PCDHA5: variants seen among roughly 807,000 people sequenced by gnomAD.
PCDHA5 encodes the protein protocadherin alpha-5.
A neutral mutation model predicts 61.6 loss-of-function variants in PCDHA5; 43 were observed. The observed-to-expected ratio is 0.70, with a 90% confidence interval of 0.55 to 0.90. The LOEUF (loss-of-function observed/expected upper bound fraction) is 0.90, where lower values mean the gene tolerates loss of function less well. Ranked by LOEUF, PCDHA5 falls within the 40% of genes least tolerant of loss-of-function variation. The pLI is 0.00. For synonymous variants in PCDHA5, 627 were observed against 543.9 expected (o/e 1.15, Z -2.13); for missense variants, 1,298 against 1,222.7 (o/e 1.06, Z -0.92).
In PCDHA5 at chr5:140,982,326, G is replaced by T. The variant is rs1369721700; in HGVS notation, c.2412-149G>T. 1.6e-5 allele frequency: 22 copies of T among 1,411,958 alleles called. No homozygotes were observed. In the Admixed American group the frequency reaches 3.0e-4, roughly 20 times the overall value. The allele number at this position is 1,411,958 out of a possible 1,614,324, so 87.5% of individuals were successfully genotyped here. On this transcript the variant is annotated intron_variant, in intron 2 of 3. Transcript: ENST00000529859. ...CTTCTGCAGTTTATGCAGGGTGACTGCTCAGCAGTAATTGCTTCAGTTCAA... is the reference window on the plus strand; with the variant it reads ...CTTCTGCAGTTTATGCAGGGTGACTTCTCAGCAGTAATTGCTTCAGTTCAA...
chr5:140,965,708 A>T (rs2095927788), intron 1 of PCDHA5, among the ~76,000 whole-genome samples: 1 of 152,244 alleles, frequency 6.6e-6, no homozygotes, highest in African/African-American at 2.4e-5. Context: ...AGCTTGAGAG[A>T]AGAATCTCTT....
Position 140,845,338 on chromosome 5 carries a change from C to T in PCDHA5, c.2352+21211C>T, listed in dbSNP as rs1446184837. Among the ~76,000 whole-genome samples the T allele has an allele frequency of 1.2e-4, 18 of 149,418 alleles. 2 individuals carry two copies. The highest frequency in any genetic ancestry group is 4.4e-4 in the African/African-American group (18 of 40,812). ...GTATTACTTTAATTACTGAATTCTCCTAAACATTTAATTGACTTTTACAAA... is the reference window on the plus strand; with the variant it reads ...GTATTACTTTAATTACTGAATTCTCTTAAACATTTAATTGACTTTTACAAA... On this transcript the variant is annotated intron_variant, in intron 1 of 3. Coordinates refer to ENST00000529859, the MANE Select transcript of PCDHA5 (RefSeq NM_018908.3).
chr5:140,862,903 C>T lies in PCDHA5; in HGVS notation c.2352+38776C>T, dbSNP rs7714617. 5.0e-3 allele frequency: 2,780 copies of T among 551,318 alleles called. 56 individuals are homozygous for T. Among genetic ancestry groups the T allele is most frequent in the African/African-American group, 0.05 (2,518 of 50,680 alleles). 34.2% of individuals were successfully genotyped at this position (551,318 alleles called of 1,614,324 possible). ...TGCTGGAACGACAACTTTGTCTGCG[C>T]TGCTGGCGCCTTGGGTGGGCTGGCG... On this transcript the variant is annotated intron_variant, in intron 1 of 3. Transcript: ENST00000529859.
intron 1 of PCDHA5, chr5:140,877,760 G>C (rs782609531): frequency 6.2e-7 from 1 of 1,614,194 alleles, no homozygotes; most frequent in South Asian, 1.1e-5. Context: ...TCTGCAGAGA[G>C]CCCGCCCAAG....
chr5:140,827,336 A>G lies in PCDHA5; in HGVS notation c.2352+3209A>G, dbSNP rs2150147176. On this transcript the variant is annotated intron_variant, in intron 1 of 3. Coordinates refer to ENST00000529859, the MANE Select transcript of PCDHA5 (RefSeq NM_018908.3). ...AATTCCACTAGAATTTGAAGTGGTG[A>G]AGTATATGAAAAGAAAATATTTTAA... Among the ~76,000 whole-genome samples the G allele has an allele frequency of 1.1e-4, 16 of 152,330 alleles. No homozygotes were observed. The South Asian group carries it at 2.3e-3, about 22-fold the overall frequency.
At chr5:140,995,653 G>A (rs964259982) in intron 3 of PCDHA5, among the ~76,000 whole-genome samples, 1 of 152,100 alleles carries the variant, frequency 6.6e-6, no homozygotes, top group Non-Finnish European at 1.5e-5. Context: ...AAGGAGAATC[G>A]AAAAGGGAAG....
At chr5:140,974,827 G>T (rs1356890991) in intron 1 of PCDHA5, among the ~76,000 whole-genome samples, 1 of 152,182 alleles carries the variant, frequency 6.6e-6, no homozygotes. Context: ...GCAACATAAT[G>T]ATTATTTTAA....
chr5:140,928,166 T>G, intron 1 of PCDHA5: 1 of 1,614,142 alleles, frequency 6.2e-7, no homozygotes, highest in South Asian at 1.1e-5. Context: ...TCACCCCCAC[T>G]TAGCACCCGA....
At chr5:140,875,779 A>G (rs1174243985) in intron 1 of PCDHA5, 1 of 1,614,194 alleles carries the variant, frequency 6.2e-7, no homozygotes, top group Non-Finnish European at 8.5e-7. Context: ...CGCGGAGTGC[A>G]GTATCCACCT....
At chr5:141,000,589 A>G (rs1234300694) in intron 3 of PCDHA5, among the ~76,000 whole-genome samples, 3 of 150,422 alleles carry the variant, frequency 2.0e-5, no homozygotes, top group Admixed American at 2.0e-4. Context: ...CACCATGCCC[A>G]GCTAATTTTT....
chr5:140,870,472 C>G (rs782403878), intron 1 of PCDHA5: 4 of 1,614,240 alleles, frequency 2.5e-6, no homozygotes, highest in South Asian at 1.1e-5. Flanking sequence ...GTTCGCACAG[C>G]CCGAGTACAC....
At position 141,010,397 on chromosome 5, in the gene PCDHA5, A is replaced by C; in HGVS notation, c.*460A>C. On this transcript the variant is annotated 3_prime_UTR_variant, in exon 4 of 4. Coordinates refer to ENST00000529859, the MANE Select transcript of PCDHA5 (RefSeq NM_018908.3). ...TGCCAGATATTGGCTGAGACGAGCC[A>C]GCTTAGACTAATTGGTACAAGGAAG... 7.5e-7 allele frequency: 1 copy of C among 1,329,462 alleles called. No individual in the cohort carries two copies. The highest frequency in any genetic ancestry group is 1.0e-6 in the Non-Finnish European group (1 of 994,158). The allele number at this position is 1,329,462 out of a possible 1,614,324, so 82.4% of individuals were successfully genotyped here.
At chr5:140,840,727 A>G (rs1199707180) in intron 1 of PCDHA5, among the ~76,000 whole-genome samples, 1 of 152,100 alleles carries the variant, frequency 6.6e-6, no homozygotes, top group Admixed American at 6.5e-5. Flanking sequence ...AATAAAGAAA[A>G]GCAAAAATTT....
intron 1 of PCDHA5, chr5:140,876,877 C>T: frequency 6.2e-7 from 1 of 1,614,138 alleles, no homozygotes; most frequent in Non-Finnish European, 8.5e-7. Context: ...GGAGAACAAC[C>T]CGCCGGGCTG....
chr5:140,967,471 A>G (rs2096144842), intron 1 of PCDHA5: 3 of 1,613,466 alleles, frequency 1.9e-6, no homozygotes, highest in Middle Eastern at 1.7e-4. Context: ...GGGGCATCCC[A>G]GCCCGCTCGG....
chr5:141,010,869 A>T lies in PCDHA5; in HGVS notation c.*932A>T, dbSNP rs1434984330. The T allele has an allele frequency of 1.3e-5, 2 of 153,786 alleles. No individual in the cohort carries two copies. Among genetic ancestry groups the T allele is most frequent in the African/African-American group, 4.8e-5 (2 of 41,464 alleles). The allele number at this position is 153,786 out of a possible 1,614,324, so 9.5% of individuals were successfully genotyped here. On this transcript the variant is annotated 3_prime_UTR_variant, in exon 4 of 4. Coordinates refer to ENST00000529859, the MANE Select transcript of PCDHA5 (RefSeq NM_018908.3). Reference sequence around the variant, plus strand: ...AAAAAAAGAGAAAGTCTATAGCTATAAATCTTTAAAGAGAAATATGAATAC... The same window carrying T: ...AAAAAAAGAGAAAGTCTATAGCTATTAATCTTTAAAGAGAAATATGAATAC...
intron 1 of PCDHA5, among the ~76,000 whole-genome samples, chr5:140,977,637 T>C (rs1440093548): frequency 6.6e-6 from 1 of 152,228 alleles, no homozygotes; most frequent in Non-Finnish European, 1.5e-5. Flanking sequence ...TAACTTTTTC[T>C]GGGCCTTGAC....
At chr5:141,001,985 GAAGTTC>G in intron 3 of PCDHA5, among the ~76,000 whole-genome samples, 1 of 152,312 alleles carries the variant, frequency 6.6e-6, no homozygotes, top group Admixed American at 6.5e-5. Context: ...GGAAAGCCTG[GAAGTTC>G]ACTTGCAAAC....
chr5:140,997,577 T>G (rs2097775398), intron 3 of PCDHA5, among the ~76,000 whole-genome samples: 1 of 152,186 alleles, frequency 6.6e-6, no homozygotes, highest in Admixed American at 6.5e-5. Flanking sequence ...GTGTGGTCCG[T>G]TGTTGACTGA....
Sources: allele counts gnomAD v4.1 joint callset (sites outside exome capture counted in the v4.1 genomes callset), GRCh38; gene constraint gnomAD v4.1.1; transcripts MANE v1.5; gene names NCBI Gene and HGNC (gene_info 2026-07-23, HGNC 2026-07-21).